Variants in SYT1 observed in about 807,000 individuals in gnomAD.
SYT1 encodes synaptotagmin 1, also known as synaptotagmin-1.
Under a neutral mutation model 44.8 loss-of-function variants are expected in SYT1, and 8 were observed. The ratio of observed to expected loss-of-function variants is 0.18; its 90% CI spans 0.10 to 0.32. The LOEUF is 0.32. Among genes scored for constraint, SYT1 ranks in the 10% least tolerant of loss-of-function variants. The pLI is 1.00. For missense variants in SYT1, 286 were observed against 509.3 expected (o/e 0.56, Z 4.22); for synonymous variants, 154 against 188.8 (o/e 0.82, Z 1.51).
intron 3 of SYT1, among the ~76,000 whole-genome samples, chr12:79,142,270 G>C (rs530705767): frequency 1.3e-5 from 2 of 152,216 alleles, no homozygotes; most frequent in Non-Finnish European, 2.9e-5. Context: ...CCAGGTAAGC[G>C]TCTCACCTTC....
intron 1 of SYT1, among the ~76,000 whole-genome samples, chr12:78,898,464 T>C (rs1197622476): frequency 1.3e-5 from 2 of 152,076 alleles, no homozygotes; most frequent in African/African-American, 4.8e-5. Flanking sequence ...ATAATCCCTA[T>C]TTTCAAAACT....
chr12:78,867,782 T>G (rs1012095722), intron 1 of SYT1, among the ~76,000 whole-genome samples: 2 of 152,048 alleles, frequency 1.3e-5, no homozygotes, highest in Non-Finnish European at 2.9e-5. Flanking sequence ...CAGATAGTTC[T>G]AATCAACAAA....
rs531371039 is a variant in SYT1, at chr12:78,926,352, A to C, written c.-216-51447A>C. ...ATTTTTCTCATGAAGTCTTCTGTGC[A>C]TACTTAACTAGTGATTCTAATACGT... On this transcript the variant is annotated intron_variant, in intron 1 of 10. Transcript: ENST00000261205. Among the ~76,000 whole-genome samples, 9 of 152,230 alleles carry C rather than the reference A, an allele frequency of 5.9e-5. 1 individual carries two copies. The highest frequency in any genetic ancestry group is 1.9e-4 in the African/African-American group (8 of 41,586).
intron 9 of SYT1, among the ~76,000 whole-genome samples, chr12:79,426,451 A>G (rs938087556): frequency 6.6e-6 from 1 of 152,206 alleles, no homozygotes. Context: ...TGCTTTGTGA[A>G]TAGAACACAA....
chr12:79,297,873 A>G (rs1194693619), intron 7 of SYT1, among the ~76,000 whole-genome samples: 1 of 152,144 alleles, frequency 6.6e-6, no homozygotes, highest in Non-Finnish European at 1.5e-5. Context: ...AAATTAATTC[A>G]TCTTCTTTTC....
chr12:78,879,555 A>C (rs554030784), intron 1 of SYT1, among the ~76,000 whole-genome samples: 1 of 151,836 alleles, frequency 6.6e-6, no homozygotes, highest in African/African-American at 2.4e-5. Flanking sequence ...CATTCATCTA[A>C]TTTTGTTATC....
chr12:79,009,898 A>G (rs1286716140), intron 2 of SYT1, among the ~76,000 whole-genome samples: 1 of 152,066 alleles, frequency 6.6e-6, no homozygotes, highest in Admixed American at 6.6e-5. Flanking sequence ...GGCATCCTCT[A>G]TGTTTCATGG....
intron 9 of SYT1, among the ~76,000 whole-genome samples, chr12:79,362,885 G>A (rs1367057882): frequency 6.6e-6 from 1 of 152,148 alleles, no homozygotes; most frequent in Admixed American, 6.5e-5. Flanking sequence ...TTGTAAATAC[G>A]TGTTGCTCTA....
chr12:79,262,540 T>C (rs1592909558), intron 4 of SYT1, among the ~76,000 whole-genome samples: 1 of 152,212 alleles, frequency 6.6e-6, no homozygotes, highest in African/African-American at 2.4e-5. Context: ...CTCATCTTAA[T>C]CATTTCCACA....
At chr12:79,176,300 A>AT in intron 3 of SYT1, among the ~76,000 whole-genome samples, 1 of 151,722 alleles carries the variant, frequency 6.6e-6, no homozygotes, top group Non-Finnish European at 1.5e-5. Context: ...AAAAAAAAAA[A>AT]AAAATACCAA....
At chr12:79,147,428 T>C (rs1869987133) in intron 3 of SYT1, among the ~76,000 whole-genome samples, 1 of 152,228 alleles carries the variant, frequency 6.6e-6, no homozygotes. Context: ...GTTTAAGGTG[T>C]ACAGCCTATT....
chr12:79,204,730 T>A (rs2138509734), intron 3 of SYT1, among the ~76,000 whole-genome samples: 1 of 149,376 alleles, frequency 6.7e-6, no homozygotes, highest in East Asian at 2.0e-4. Flanking sequence ...CCCTCTTCTA[T>A]CAAAAATAAA....
intron 9 of SYT1, among the ~76,000 whole-genome samples, chr12:79,400,317 G>A (rs1453623297): frequency 1.3e-5 from 2 of 152,140 alleles, no homozygotes; most frequent in Admixed American, 6.6e-5. Context: ...TATTGTGGAT[G>A]GAAAAATGAG....
At chr12:79,421,477 A>C (rs1869114949) in intron 9 of SYT1, among the ~76,000 whole-genome samples, 1 of 152,138 alleles carries the variant, frequency 6.6e-6, no homozygotes, top group Non-Finnish European at 1.5e-5. Context: ...GAAAAATGCT[A>C]GCATAGCTAT....
In SYT1 at chr12:79,145,737, G is replaced by GT. The variant is rs200045050; in HGVS notation, c.-17-71751dup. ...CAGAACCCAAGATTTAAACATAGTG[G>GT]TTTTTTTTTTTTTTTGTTTGTTTGT... On this transcript the variant is annotated intron_variant, in intron 3 of 10. Transcript: ENST00000261205. Among the ~76,000 whole-genome samples, 546 of 129,274 alleles carry GT rather than the reference G, an allele frequency of 4.2e-3. 1 individual carries two copies. The highest frequency in any genetic ancestry group is 0.014 in the East Asian group (68 of 4,692). 84.8% of individuals were successfully genotyped at this position (129,274 alleles called of 152,430 possible). A position where few individuals can be genotyped will look rare whatever the true frequency, so the allele number is the denominator to read the frequency against.
chr12:79,327,488 T>C (rs1881657371), intron 8 of SYT1, among the ~76,000 whole-genome samples: 1 of 152,224 alleles, frequency 6.6e-6, no homozygotes, highest in African/African-American at 2.4e-5. Flanking sequence ...CCTATTTCCT[T>C]CTGGCAACCA....
chr12:79,328,702 C>T (rs1244169414), intron 8 of SYT1, among the ~76,000 whole-genome samples: 3 of 151,916 alleles, frequency 2.0e-5, no homozygotes, highest in African/African-American at 4.8e-5. Flanking sequence ...AAAAATTAGC[C>T]GGGCGTGGTG....
intron 3 of SYT1, among the ~76,000 whole-genome samples, chr12:79,145,961 T>G (rs975233838): frequency 3.3e-5 from 5 of 151,638 alleles, no homozygotes; most frequent in African/African-American, 9.7e-5. Flanking sequence ...GTTTCACCGT[T>G]TTAGCCGGGA....
intron 3 of SYT1, among the ~76,000 whole-genome samples, chr12:79,185,318 C>T (rs1872742386): frequency 6.6e-6 from 1 of 151,964 alleles, no homozygotes; most frequent in Non-Finnish European, 1.5e-5. Context: ...ATTTTTCCGA[C>T]TGTTTTTCTA....
Sources: allele counts gnomAD v4.1 joint callset (sites outside exome capture counted in the v4.1 genomes callset), GRCh38; gene constraint gnomAD v4.1.1; transcripts MANE v1.5; gene names NCBI Gene and HGNC (gene_info 2026-07-23, HGNC 2026-07-21).